TAFA1: variants seen among roughly 807,000 people sequenced by gnomAD.
TAFA1 encodes TAFA chemokine like family member 1, also known as chemokine-like protein TAFA-1.
In TAFA1, 4 loss-of-function variants were observed where a neutral mutation model predicts 18.5. That is an observed-to-expected ratio of 0.22 (90% CI 0.11 to 0.49). The LOEUF is 0.49. Ranked by LOEUF, TAFA1 falls within the 20% of genes least tolerant of loss-of-function variation. The pLI, the probability that TAFA1 is intolerant of heterozygous loss-of-function variation, is 0.98. For missense variants in TAFA1, 147 were observed against 169.0 expected (o/e 0.87, Z 0.72); for synonymous variants, 56 against 55.2 (o/e 1.01, Z -0.06).
intron 2 of TAFA1, among the ~76,000 whole-genome samples, chr3:68,120,928 C>G (rs373892220): frequency 3.9e-5 from 6 of 152,152 alleles, no homozygotes; most frequent in Admixed American, 6.6e-5. Context: ...TTTATGGACA[C>G]ATACCTGAGG....
chr3:68,308,715 T>A (rs1214015142), intron 2 of TAFA1, among the ~76,000 whole-genome samples: 2 of 152,064 alleles, frequency 1.3e-5, no homozygotes, highest in Middle Eastern at 3.2e-3. Context: ...AATGCTCATT[T>A]ATTTTGATCA....
intron 2 of TAFA1, among the ~76,000 whole-genome samples, chr3:68,045,325 C>A (rs1310438209): frequency 6.6e-6 from 1 of 152,064 alleles, no homozygotes; most frequent in Non-Finnish European, 1.5e-5. Flanking sequence ...ATGTGCGAGT[C>A]CAATGTTCAG....
chr3:68,188,455 T>A (rs1412401224), intron 2 of TAFA1, among the ~76,000 whole-genome samples: 1 of 149,782 alleles, frequency 6.7e-6, no homozygotes, highest in African/African-American at 2.4e-5. Flanking sequence ...CATTTGAAAG[T>A]AGTATCTCTC....
At chr3:68,266,008 C>A (rs1180376890) in intron 2 of TAFA1, among the ~76,000 whole-genome samples, 1 of 152,144 alleles carries the variant, frequency 6.6e-6, no homozygotes, top group Admixed American at 6.6e-5. Flanking sequence ...TCAGATTAGG[C>A]TCTATTGACA....
At position 68,161,261 on chromosome 3, in the gene TAFA1, G is replaced by T. The variant is rs148104743; in HGVS notation, c.118+154517G>T. ...AGGGATACTCACTATATGTAAATCTGTACTTAATCCTAAATTTTCTAGTTT... is the reference window on the plus strand; with the variant it reads ...AGGGATACTCACTATATGTAAATCTTTACTTAATCCTAAATTTTCTAGTTT... On this transcript the variant is annotated intron_variant, in intron 2 of 4. Coordinates refer to ENST00000478136, the MANE Select transcript of TAFA1 (RefSeq NM_213609.4). 9.0e-3 allele frequency among the ~76,000 whole-genome samples: 1,374 copies of T among 152,286 alleles called. 18 individuals carry two copies. The highest frequency in any genetic ancestry group is 0.013 in the Non-Finnish European group (859 of 68,028).
intron 2 of TAFA1, among the ~76,000 whole-genome samples, chr3:68,171,819 C>A (rs771710200): frequency 2.0e-5 from 3 of 151,622 alleles, no homozygotes; most frequent in Non-Finnish European, 4.4e-5. Flanking sequence ...AAATCAATGG[C>A]AAATCAAGTA....
intron 2 of TAFA1, among the ~76,000 whole-genome samples, chr3:68,340,899 G>C (rs573496204): frequency 6.6e-6 from 1 of 152,308 alleles, no homozygotes; most frequent in Admixed American, 6.5e-5. Flanking sequence ...ATTGAGATCT[G>C]TGCTATGAAT....
intron 2 of TAFA1, among the ~76,000 whole-genome samples, chr3:68,318,903 A>G (rs1158294117): frequency 6.6e-6 from 1 of 152,204 alleles, no homozygotes; most frequent in East Asian, 1.9e-4. Context: ...AGTTAAATTC[A>G]TAACTAGAAA....
intron 2 of TAFA1, among the ~76,000 whole-genome samples, chr3:68,347,565 ACT>A (rs1553679747): frequency 6.6e-6 from 1 of 152,126 alleles, no homozygotes; most frequent in Non-Finnish European, 1.5e-5. Context: ...CAACTGTGCA[ACT>A]CTGTCATTGC....
intron 3 of TAFA1, among the ~76,000 whole-genome samples, chr3:68,523,386 G>C (rs1361240635): frequency 6.6e-6 from 1 of 152,150 alleles, no homozygotes; most frequent in African/African-American, 2.4e-5. Flanking sequence ...CCACACTTCA[G>C]TTTAAGCACA....
chr3:68,443,491 A>ACC (rs1400409340), intron 3 of TAFA1, among the ~76,000 whole-genome samples: 1 of 132,928 alleles, frequency 7.5e-6, no homozygotes, highest in African/African-American at 3.0e-5. Context: ...AAAAAAAAAA[A>ACC]AAAAACAAAA....
At chr3:68,344,743 C>T (rs1433157162) in intron 2 of TAFA1, among the ~76,000 whole-genome samples, 1 of 152,164 alleles carries the variant, frequency 6.6e-6, no homozygotes, top group Non-Finnish European at 1.5e-5. Flanking sequence ...AATATCTACA[C>T]AGTCTTTAGC....
intron 2 of TAFA1, among the ~76,000 whole-genome samples, chr3:68,248,070 G>A (rs901270510): frequency 6.6e-6 from 1 of 152,150 alleles, no homozygotes; most frequent in African/African-American, 2.4e-5. Context: ...GCAGACTGTT[G>A]GGGGAAAATT....
At chr3:68,512,921 T>C (rs1423929985) in intron 3 of TAFA1, among the ~76,000 whole-genome samples, 1 of 152,120 alleles carries the variant, frequency 6.6e-6, no homozygotes, top group South Asian at 2.1e-4. Flanking sequence ...CCTTTGTACA[T>C]TTTTCAAAGC....
intron 2 of TAFA1, among the ~76,000 whole-genome samples, chr3:68,375,443 C>G (rs970562868): frequency 6.6e-6 from 1 of 152,152 alleles, no homozygotes; most frequent in East Asian, 1.9e-4. Context: ...TTACTCCACA[C>G]AAGTCAGTGG....
upstream of TAFA1, among the ~76,000 whole-genome samples, chr3:68,000,162 T>C (rs940817644): frequency 1.3e-5 from 2 of 152,236 alleles, no homozygotes; most frequent in African/African-American, 4.8e-5. Flanking sequence ...TTATTTTTGA[T>C]TCATTTATTA....
At chr3:68,123,878 CAAAAAAAAAAAA>C (rs758966848) in intron 2 of TAFA1, among the ~76,000 whole-genome samples, 11 of 72,142 alleles carry the variant, frequency 1.5e-4, no homozygotes, top group South Asian at 5.6e-4. Flanking sequence ...CTTTTTTTTC[CAAAAAAAAAAAA>C]AAAAAAAAAA....
intron 3 of TAFA1, among the ~76,000 whole-genome samples, chr3:68,418,061 C>A (rs985056376): frequency 2.0e-5 from 3 of 152,026 alleles, no homozygotes; most frequent in African/African-American, 7.2e-5. Flanking sequence ...GGTCAAGAAA[C>A]ATGAAGGTCC....
intron 3 of TAFA1, among the ~76,000 whole-genome samples, chr3:68,451,366 A>G (rs915230211): frequency 3.9e-5 from 6 of 152,202 alleles, no homozygotes; most frequent in Non-Finnish European, 5.9e-5. Flanking sequence ...CCAGAGGGTA[A>G]AGACTAGAGC....
Sources: allele counts gnomAD v4.1 joint callset (sites outside exome capture counted in the v4.1 genomes callset), GRCh38; gene constraint gnomAD v4.1.1; transcripts MANE v1.5; gene names NCBI Gene and HGNC (gene_info 2026-07-23, HGNC 2026-07-21).